CLSTN1: variants seen among roughly 807,000 people sequenced by gnomAD.
The protein encoded by CLSTN1 is calsyntenin-1.
Under a neutral mutation model 108.3 loss-of-function variants are expected in CLSTN1, and 28 were observed. The ratio of observed to expected loss-of-function variants is 0.26; its 90% CI spans 0.19 to 0.35. The LOEUF (loss-of-function observed/expected upper bound fraction) is 0.35, where lower values mean the gene tolerates loss of function less well. Ranked by LOEUF, CLSTN1 falls within the 10% of genes least tolerant of loss-of-function variation. The pLI is 1.00. For synonymous variants in CLSTN1, 524 were observed against 534.9 expected, an observed-to-expected ratio of 0.98 and a Z score of 0.28; for missense variants, 1,157 against 1,302.6, an observed-to-expected ratio of 0.89 and a Z score of 1.72.
At chr1:9,802,324 T>G (rs1654307747) in intron 1 of CLSTN1, among the ~76,000 whole-genome samples, 1 of 152,180 alleles carries the variant, frequency 6.6e-6, no homozygotes, top group Non-Finnish European at 1.5e-5. Context: ...CTAAATTATA[T>G]CAGGCCACAC....
At chr1:9,787,894 A>G (rs547539196) in intron 1 of CLSTN1, among the ~76,000 whole-genome samples, 262 of 151,002 alleles carry the variant, frequency 1.7e-3, no homozygotes, top group Non-Finnish European at 3.2e-3. Flanking sequence ...CTAAATACTA[A>G]CTTCCTATTT....
At chr1:9,769,451 T>C (rs932178400) in intron 2 of CLSTN1, among the ~76,000 whole-genome samples, 14 of 151,982 alleles carry the variant, frequency 9.2e-5, no homozygotes, top group Non-Finnish European at 1.8e-4. Flanking sequence ...TGAAATAATA[T>C]CCAGCAACAA....
chr1:9,768,629 A>AAAGCAACAGAAG (rs1652487683), intron 2 of CLSTN1, among the ~76,000 whole-genome samples: 1 of 94,176 alleles, frequency 1.1e-5, no homozygotes, highest in African/African-American at 4.2e-5. Flanking sequence ...GGGTGACACC[A>AAAGCAACAGAAG]TGGGGGCAGG....
chr1:9,819,327 C>A (rs554727338), intron 1 of CLSTN1, among the ~76,000 whole-genome samples: 1 of 152,056 alleles, frequency 6.6e-6, no homozygotes, highest in African/African-American at 2.4e-5. Flanking sequence ...TTCCTTTGTT[C>A]TAAAATTTTA....
intron 1 of CLSTN1, among the ~76,000 whole-genome samples, chr1:9,787,153 G>T (rs1207681273): frequency 6.7e-6 from 1 of 149,496 alleles, no homozygotes; most frequent in Non-Finnish European, 1.5e-5. Context: ...TGAGAGCTAA[G>T]GAGGAATGAC....
chr1:9,769,066 G>A (rs1440767196), intron 2 of CLSTN1, among the ~76,000 whole-genome samples: 1 of 145,474 alleles, frequency 6.9e-6, no homozygotes, highest in Non-Finnish European at 1.5e-5. Flanking sequence ...GGAGAGGGAG[G>A]GAGAGAGGAA....
intron 1 of CLSTN1, among the ~76,000 whole-genome samples, chr1:9,803,193 C>T (rs1287502420): frequency 2.0e-5 from 3 of 152,062 alleles, no homozygotes; most frequent in Non-Finnish European, 2.9e-5. Context: ...GGAAGGCACG[C>T]TGCCAGATTC....
intron 1 of CLSTN1, among the ~76,000 whole-genome samples, chr1:9,816,393 T>A (rs561979655): frequency 6.6e-6 from 1 of 152,298 alleles, no homozygotes; most frequent in East Asian, 1.9e-4. Context: ...GATATGGGAT[T>A]TCTTTTGGGA....
Position 9,734,305 on chromosome 1 carries a change from T to C in CLSTN1, c.2111-163A>G, listed in dbSNP as rs1006575415. ...GCTTTCAAGAAACGGCTGGGCGCAGTGGCTCACGCCTGTAATCCCAGCACT... is the reference window on the plus strand; with the variant it reads ...GCTTTCAAGAAACGGCTGGGCGCAGCGGCTCACGCCTGTAATCCCAGCACT... On this transcript the variant is annotated intron_variant, in intron 14 of 18. Coordinates refer to ENST00000377298, the MANE Select transcript of CLSTN1 (RefSeq NM_001009566.3). This position sits in a 1 kb window ranked among gnomAD's most constrained non-coding sequence, Gnocchi z 4.8. Among the ~76,000 whole-genome samples, 2 of 152,184 alleles carry C rather than the reference T, an allele frequency of 1.3e-5. No individual in the cohort carries two copies. Among genetic ancestry groups the C allele is most frequent in the African/African-American group, 4.8e-5 (2 of 41,458 alleles).
At position 9,823,665 on chromosome 1, in the gene CLSTN1, G is replaced by A. The variant is rs1038489083; in HGVS notation, c.69C>T (p.Gly23=). The A allele has an allele frequency of 4.5e-5, 53 of 1,178,000 alleles. 1 individual carries two copies. In the African/African-American group the frequency reaches 7.2e-4, roughly 16 times the overall value. 73.0% of individuals were successfully genotyped at this position (1,178,000 alleles called of 1,614,324 possible). A position where few individuals can be genotyped will look rare whatever the true frequency, so the allele number is the denominator to read the frequency against. ...TACCTCGCGCGGCCCAGACCCCGCCGCCGCACAGCAGCCCGGCCAGCAGCA... is the reference window on the plus strand; with the variant it reads ...TACCTCGCGCGGCCCAGACCCCGCCACCGCACAGCAGCCCGGCCAGCAGCA... The part of the protein sequence containing the change: ...ARLLLAGLLC[G]GGVWAARVNK... Residue 23 remains glycine, a synonymous_variant, in exon 1 of 19, where the codon GGC becomes GGT. Coordinates refer to ENST00000377298, the MANE Select transcript of CLSTN1 (RefSeq NM_001009566.3). The surrounding 1 kb of genome is among the most constrained non-coding windows in gnomAD (Gnocchi z 6.3).
At chr1:9,781,313 T>C in intron 1 of CLSTN1, 3 of 639,248 alleles carry the variant, frequency 4.7e-6, no homozygotes, top group South Asian at 2.0e-5. Context: ...TAGTCGAGAA[T>C]GTACAATGAT....
chr1:9,731,827 G>A lies in CLSTN1; in HGVS notation c.2497C>T (p.His833Tyr). 5 of 1,614,194 alleles carry A rather than the reference G, an allele frequency of 3.1e-6. No individual in the cohort carries two copies. The highest frequency in any genetic ancestry group is 4.2e-6 in the Non-Finnish European group (5 of 1,180,042). ...NHMAAQPQFV[H>Y]PEHRSFVDLS... ...TCAACAAAGGAGCGGTGTTCCGGGT[G>A]CACGAACTGTGGCTGGGCAGCCATG... Residue 833 changes from histidine (H) to tyrosine (Y), a missense_variant, in exon 17 of 19, where the codon CAC becomes TAC. Transcript: ENST00000377298.
Position 9,734,747 on chromosome 1 carries a change from T to G in CLSTN1, c.2110+201A>C, listed in dbSNP as rs968800568. ...GCCTGGCAGCAACCAGGAAAAGATG[T>G]AAGACCCCTCCAGATGGGATTCCAG... On this transcript the variant is annotated intron_variant, in intron 14 of 18. Coordinates refer to ENST00000377298, the MANE Select transcript of CLSTN1 (RefSeq NM_001009566.3). The surrounding 1 kb of genome is among the most constrained non-coding windows in gnomAD (Gnocchi z 4.8). 2.0e-5 allele frequency among the ~76,000 whole-genome samples: 3 copies of G among 151,942 alleles called. No individual in the cohort carries two copies. The highest frequency in any genetic ancestry group is 7.3e-5 in the African/African-American group (3 of 41,356).
At chr1:9,822,730 AAAGGTTAAGTGGATG>A (rs1198399278) in intron 1 of CLSTN1, among the ~76,000 whole-genome samples, 1 of 152,214 alleles carries the variant, frequency 6.6e-6, no homozygotes, top group Non-Finnish European at 1.5e-5. Context: ...GCAAGGTTTA[AAAGGTTAAGTGGATG>A]AAGGTTAAAA....
chr1:9,798,578 G>A (rs1465499637), intron 1 of CLSTN1, among the ~76,000 whole-genome samples: 1 of 152,214 alleles, frequency 6.6e-6, no homozygotes, highest in Admixed American at 6.5e-5. Flanking sequence ...TGGTTGCCAA[G>A]TGCTGGGGGC....
intron 2 of CLSTN1, among the ~76,000 whole-genome samples, chr1:9,759,900 T>A (rs1377045844): frequency 6.6e-6 from 1 of 152,242 alleles, no homozygotes; most frequent in African/African-American, 2.4e-5. Context: ...CATTTTAAAG[T>A]AATTTAGGTT....
chr1:9,735,810 C>A, intron 12 of CLSTN1, 75 bp downstream of exon 12: 1 of 1,574,124 alleles, frequency 6.4e-7, no homozygotes, highest in Non-Finnish European at 8.7e-7. Flanking sequence ...ATTACTCACT[C>A]CCTCATCCCA....
At chr1:9,755,696 G>A (rs1182669959) in intron 3 of CLSTN1, among the ~76,000 whole-genome samples, 1 of 152,090 alleles carries the variant, frequency 6.6e-6, no homozygotes, top group Non-Finnish European at 1.5e-5. Flanking sequence ...AGGGCTGGCA[G>A]CCAGTTTGAT....
At chr1:9,783,853 C>T (rs1319272593) in intron 1 of CLSTN1, among the ~76,000 whole-genome samples, 3 of 152,074 alleles carry the variant, frequency 2.0e-5, no homozygotes, top group Non-Finnish European at 2.9e-5. Flanking sequence ...ATTAACCAGG[C>T]GTGGTGGCGG....
Sources: allele counts gnomAD v4.1 joint callset (sites outside exome capture counted in the v4.1 genomes callset), GRCh38; gene constraint gnomAD v4.1.1; non-coding constraint Gnocchi (gnomAD v3.1); transcripts MANE v1.5; gene names NCBI Gene and HGNC (gene_info 2026-07-23, HGNC 2026-07-21).